The following HTR7 variants were observed in gnomAD, a reference collection of about 807,000 sequenced individuals.
HTR7 encodes the protein 5-HT-7.
A neutral mutation model predicts 34.0 loss-of-function variants in HTR7; 16 were observed. That is an observed-to-expected ratio of 0.47 (90% CI 0.32 to 0.71). The LOEUF (loss-of-function observed/expected upper bound fraction) is 0.71, where lower values mean the gene tolerates loss of function less well. Ranked by LOEUF, HTR7 falls within the 30% of genes least tolerant of loss-of-function variation. The pLI is 0.04. For synonymous variants in HTR7, 265 were observed against 260.2 expected (o/e 1.02, Z -0.18); for missense variants, 504 against 625.5 (o/e 0.81, Z 2.07).
At chr10:90,797,982 C>G (rs949139208) in intron 1 of HTR7, among the ~76,000 whole-genome samples, 3 of 152,164 alleles carry the variant, frequency 2.0e-5, no homozygotes, top group African/African-American at 7.2e-5. Flanking sequence ...GTGGAACTCA[C>G]TTTTATCAGG....
At chr10:90,855,565 G>A (rs1846567174) in intron 1 of HTR7, among the ~76,000 whole-genome samples, 1 of 152,174 alleles carries the variant, frequency 6.6e-6, no homozygotes, top group Non-Finnish European at 1.5e-5. Context: ...GCTCTGTTTT[G>A]GTTGGCTGAG....
intron 1 of HTR7, among the ~76,000 whole-genome samples, chr10:90,766,355 C>A (rs538654161): frequency 6.6e-6 from 1 of 152,164 alleles, no homozygotes; most frequent in East Asian, 1.9e-4. Flanking sequence ...TCTTTTGGTA[C>A]TACTTGCATG....
At chr10:90,804,589 C>T (rs1042319742) in intron 1 of HTR7, among the ~76,000 whole-genome samples, 1 of 152,128 alleles carries the variant, frequency 6.6e-6, no homozygotes, top group Non-Finnish European at 1.5e-5. Context: ...GAGCCACCAC[C>T]CCTCCCCACT....
At chr10:90,779,622 T>C (rs1038423333) in intron 1 of HTR7, among the ~76,000 whole-genome samples, 7 of 152,200 alleles carry the variant, frequency 4.6e-5, no homozygotes, top group Non-Finnish European at 8.8e-5. Context: ...GGCTAAGTAA[T>C]ACCTCTCTGT....
chr10:90,815,819 G>A (rs1845891158), intron 1 of HTR7, among the ~76,000 whole-genome samples: 3 of 152,216 alleles, frequency 2.0e-5, no homozygotes, highest in Admixed American at 1.3e-4. Context: ...ATGCTGGTGG[G>A]AACAAATTCT....
intron 1 of HTR7, among the ~76,000 whole-genome samples, chr10:90,811,369 C>T (rs1395309330): frequency 1.3e-5 from 2 of 150,586 alleles, no homozygotes; most frequent in Non-Finnish European, 3.0e-5. Context: ...TTTTCTTCCT[C>T]ACACCTGATG....
intron 1 of HTR7, among the ~76,000 whole-genome samples, chr10:90,753,368 T>C (rs1219451266): frequency 6.6e-6 from 1 of 151,346 alleles, no homozygotes; most frequent in African/African-American, 2.5e-5. Flanking sequence ...CCTATCTCTA[T>C]TTTAAAGAGA....
In HTR7 at chr10:90,807,359, G is replaced by A. The variant is rs532441662; in HGVS notation, c.539+49774C>T. On this transcript the variant is annotated intron_variant, in intron 1 of 3. Coordinates refer to ENST00000336152, the MANE Select transcript of HTR7 (RefSeq NM_019859.4). ...TTGCACGTACACACCCAGATGGCCT[G>A]AAGTAACTGAAGAATCACAAAAGAA... is the stretch of plus-strand genomic sequence containing the variant. Among the ~76,000 whole-genome samples the A allele has an allele frequency of 1.4e-4, 21 of 152,328 alleles. No homozygotes were observed. The East Asian group carries it at 3.9e-3, about 28-fold the overall frequency.
intron 1 of HTR7, among the ~76,000 whole-genome samples, chr10:90,854,361 C>T (rs1846547565): frequency 6.6e-6 from 1 of 151,704 alleles, no homozygotes; most frequent in African/African-American, 2.4e-5. Context: ...CCCCCTCCAC[C>T]TCACTCCCCC....
chr10:90,780,926 G>A (rs1285108730), intron 1 of HTR7, among the ~76,000 whole-genome samples: 1 of 152,146 alleles, frequency 6.6e-6, no homozygotes, highest in African/African-American at 2.4e-5. Flanking sequence ...GTTTGAAGAA[G>A]AAAACATATA....
intron 1 of HTR7, among the ~76,000 whole-genome samples, chr10:90,811,481 C>T (rs1253938395): frequency 6.6e-6 from 1 of 152,098 alleles, no homozygotes; most frequent in African/African-American, 2.4e-5. Flanking sequence ...CCTGATCACA[C>T]TTAGTTTATT....
chr10:90,849,714 T>A (rs927801749), intron 1 of HTR7, among the ~76,000 whole-genome samples: 2 of 152,218 alleles, frequency 1.3e-5, no homozygotes, highest in Admixed American at 1.3e-4. Context: ...AGCATACATT[T>A]AAAATATTTC....
chr10:90,851,026 C>A (rs993941502), intron 1 of HTR7, among the ~76,000 whole-genome samples: 1 of 151,774 alleles, frequency 6.6e-6, no homozygotes, highest in African/African-American at 2.4e-5. Context: ...CATTAGGAAC[C>A]CCAAACAGGG....
chr10:90,793,555 C>T (rs1845492674), intron 1 of HTR7, among the ~76,000 whole-genome samples: 1 of 136,706 alleles, frequency 7.3e-6, no homozygotes, highest in African/African-American at 2.7e-5. Context: ...AAAAAAAGAT[C>T]ACCTTGGAAT....
Position 90,857,818 on chromosome 10 carries a change from C to A in HTR7, c.-147G>T. On this transcript the variant is annotated 5_prime_UTR_variant, in exon 1 of 4. Transcript: ENST00000336152. This position sits in a 1 kb window ranked among gnomAD's most constrained non-coding sequence, Gnocchi z 6.5. The stretch of plus-strand genomic sequence containing the variant: ...ACCGCTGGGGGGCGCCTGGCTCTGT[C>A]TCGGAGCCCCGCACTCCCCGGACCC... 1.4e-6 allele frequency: 1 copy of A among 740,254 alleles called. No individual in the cohort carries two copies. Among genetic ancestry groups the A allele is most frequent in the Non-Finnish European group, 1.9e-6 (1 of 536,234 alleles). 45.9% of individuals were successfully genotyped at this position (740,254 alleles called of 1,614,324 possible).
intron 1 of HTR7, among the ~76,000 whole-genome samples, chr10:90,821,097 C>T (rs1397496441): frequency 6.7e-6 from 1 of 150,058 alleles, no homozygotes; most frequent in African/African-American, 2.5e-5. Context: ...TCAAGTTTAA[C>T]AGCTATCTAC....
intron 1 of HTR7, among the ~76,000 whole-genome samples, chr10:90,793,781 C>T (rs973022305): frequency 1.3e-5 from 2 of 152,100 alleles, no homozygotes; most frequent in Non-Finnish European, 2.9e-5. Context: ...TAGGGAAGCT[C>T]GACAGTGCAG....
intron 1 of HTR7, among the ~76,000 whole-genome samples, chr10:90,790,050 C>T (rs991700188): frequency 9.2e-5 from 14 of 152,266 alleles, no homozygotes; most frequent in Non-Finnish European, 1.3e-4. Context: ...TACATCATCG[C>T]AGTTCAAATC....
chr10:90,828,109 T>G (rs1466116081), intron 1 of HTR7, among the ~76,000 whole-genome samples: 4 of 152,190 alleles, frequency 2.6e-5, no homozygotes, highest in Non-Finnish European at 5.9e-5. Context: ...CACTCCTGAA[T>G]GACCAGTTGT....
Sources: allele counts gnomAD v4.1 joint callset (sites outside exome capture counted in the v4.1 genomes callset), GRCh38; gene constraint gnomAD v4.1.1; non-coding constraint Gnocchi (gnomAD v3.1); transcripts MANE v1.5; gene names NCBI Gene and HGNC (gene_info 2026-07-23, HGNC 2026-07-21).